The following CDC45 variants were observed in gnomAD, a reference collection of about 807,000 sequenced individuals.
CDC45 encodes cell division control protein 45 homolog.
A neutral mutation model predicts 77.8 loss-of-function variants in CDC45; 54 were observed. The ratio of observed to expected loss-of-function variants is 0.69; its 90% CI spans 0.56 to 0.87. CDC45 has a LOEUF of 0.87. CDC45 is among the 40% of genes least tolerant of loss of function. The pLI is 0.00. For synonymous variants in CDC45, 260 were observed against 272.1 expected (o/e 0.96, Z 0.44); for missense variants, 649 against 721.6 (o/e 0.90, Z 1.15).
At chr22:19,497,258 T>TG in intron 7 of CDC45, 128 bp from the exon 8 acceptor site, 1 of 769,780 alleles carries the variant, frequency 1.3e-6, no homozygotes, top group Non-Finnish European at 2.3e-6. Context: ...CCACATGCCC[T>TG]GGCCAGGTAG....
chr22:19,487,584 T>C (rs964672230), intron 5 of CDC45, among the ~76,000 whole-genome samples: 7 of 150,346 alleles, frequency 4.7e-5, no homozygotes, highest in African/African-American at 1.5e-4. Context: ...TTCAAAGAGG[T>C]TTAGAGACAA....
Position 19,483,878 on chromosome 22 carries a change from A to G in CDC45, c.359A>G (p.Lys120Arg). Residue 120 changes from lysine to arginine, a missense_variant, in exon 5 of 19, where the codon AAA becomes AGA. By Grantham distance (26) the Lys-to-Arg change is conservative. Transcript: ENST00000263201. ...TGAACTTAGATCAAATTACTCATTA[A>G]ACAAGATGATGACCTTGAAGTTCCC... is the stretch of plus-strand genomic sequence containing the variant. ...YNDTQIKLLIKQDDDLEVPAY... is the reference protein window; with the variant it reads ...YNDTQIKLLIRQDDDLEVPAY... 7 of 1,612,368 alleles carry G rather than the reference A, an allele frequency of 4.3e-6. No individual in the cohort carries two copies. The highest frequency in any genetic ancestry group is 5.9e-6 in the Non-Finnish European group (7 of 1,179,568).
chr22:19,514,918 G>A (rs749970960), intron 14 of CDC45, 31 bp downstream of exon 14: 7 of 1,614,230 alleles, frequency 4.3e-6, no homozygotes, highest in Non-Finnish European at 5.9e-6. Context: ...CAGGCGCCTG[G>A]TCACAGCACC....
intron 9 of CDC45, among the ~76,000 whole-genome samples, chr22:19,504,636 C>T (rs527804151): frequency 6.6e-6 from 1 of 152,122 alleles, no homozygotes; most frequent in African/African-American, 2.4e-5. Context: ...GGGTGAGGGG[C>T]TGGAAAATTG....
At chr22:19,519,665 C>G (rs1934002985) in intron 18 of CDC45, among the ~76,000 whole-genome samples, 1 of 152,238 alleles carries the variant, frequency 6.6e-6, no homozygotes, top group African/African-American at 2.4e-5. Context: ...TCCCTCAGGC[C>G]AGGCCTGGGG....
At chr22:19,494,538 T>C (rs1352393116) in intron 6 of CDC45, 156 bp downstream of exon 6, 7 of 1,551,042 alleles carry the variant, frequency 4.5e-6, no homozygotes, top group African/African-American at 4.1e-5. Context: ...GGCCGCTGCA[T>C]TGGAGAAGAG....
At chr22:19,479,712 G>A (rs2146321390), upstream of CDC45, 2 of 682,864 alleles carry the variant, frequency 2.9e-6, no homozygotes, top group South Asian at 3.1e-5. Flanking sequence ...GAGTTGAAGG[G>A]GGCAACAGTG....
intron 5 of CDC45, among the ~76,000 whole-genome samples, chr22:19,484,654 CG>C (rs1215514504): frequency 2.0e-5 from 3 of 152,204 alleles, no homozygotes; most frequent in Non-Finnish European, 4.4e-5. Context: ...AATTTGCCCC[CG>C]TAATGTTCTA....
chr22:19,506,971 G>A (rs954720611), intron 10 of CDC45, among the ~76,000 whole-genome samples: 3 of 152,030 alleles, frequency 2.0e-5, no homozygotes, highest in East Asian at 3.9e-4. Flanking sequence ...GGATGGGGGC[G>A]CTTCGTGGAT....
In CDC45 at chr22:19,494,560, T is replaced by C. The variant is rs767213571; in HGVS notation, c.542+178T>C. 1.3e-6 allele frequency: 2 copies of C among 1,549,816 alleles called. No individual in the cohort carries two copies. The highest frequency in any genetic ancestry group is 2.7e-5 in the African/African-American group (2 of 73,020). ...GCATTGGAGAAGAGCTCCAGGTTGT[T>C]CGCCGGTCCCATGAGTGACAGGACA... On this transcript the variant is annotated intron_variant, in intron 6 of 18. Coordinates refer to ENST00000263201, the MANE Select transcript of CDC45 (RefSeq NM_003504.5).
At chr22:19,501,405 GT>G (rs1200823318) in intron 9 of CDC45, among the ~76,000 whole-genome samples, 1 of 152,198 alleles carries the variant, frequency 6.6e-6, no homozygotes, top group Non-Finnish European at 1.5e-5. Flanking sequence ...AGCAAAGACA[GT>G]TTCTGGTTTT....
At chr22:19,511,631 A>G (rs1933519851) in intron 13 of CDC45, among the ~76,000 whole-genome samples, 1 of 152,138 alleles carries the variant, frequency 6.6e-6, no homozygotes. Flanking sequence ...TGCCCAGCCT[A>G]AAACTTTTAT....
intron 13 of CDC45, among the ~76,000 whole-genome samples, chr22:19,513,414 A>G (rs1420753604): frequency 6.6e-6 from 1 of 152,242 alleles, no homozygotes; most frequent in African/African-American, 2.4e-5. Flanking sequence ...ATAGATTACT[A>G]TCTGGCACGG....
rs748062306 is a variant in CDC45, at chr22:19,516,323, T to C, written c.1441-204T>C. The C allele has an allele frequency of 5.1e-4, 303 of 595,904 alleles. 1 individual carries two copies. Among genetic ancestry groups the C allele is most frequent in the South Asian group, 1.0e-3 (53 of 52,010 alleles). The allele number at this position is 595,904 out of a possible 1,614,324, so 36.9% of individuals were successfully genotyped here. A position where few individuals can be genotyped will look rare whatever the true frequency, so the allele number is the denominator to read the frequency against. On this transcript the variant is annotated intron_variant, in intron 15 of 18. Transcript: ENST00000263201. ...GCTGTGGGTACGGGAGGGCAGGTGT[T>C]TGGAGAGCTCCCTGGACTGGGAGTT... is the stretch of plus-strand genomic sequence containing the variant.
At chr22:19,494,701 C>T (rs1170427246) in intron 6 of CDC45, 10 of 883,434 alleles carry the variant, frequency 1.1e-5, no homozygotes, top group Non-Finnish European at 1.8e-5. Flanking sequence ...ATAAGAAGTG[C>T]TCTAAAATGA....
chr22:19,515,049 G>A lies in CDC45; in HGVS notation c.1440+1G>A. 1.2e-6 allele frequency: 2 copies of A among 1,600,542 alleles called. No individual in the cohort carries two copies. Among genetic ancestry groups the A allele is most frequent in the East Asian group, 2.2e-5 (1 of 44,678 alleles). On this transcript the variant is annotated splice_donor_variant, in intron 15 of 18. Coordinates refer to ENST00000263201, the MANE Select transcript of CDC45 (RefSeq NM_003504.5). LOFTEE classifies it high-confidence loss of function. Reference sequence around the variant, plus strand: ...CCTGCTCAAGTCCTTTGTGTGTTCGGTGAGGGGCCAGGCGGGTGCTGTGGG... The same window carrying A: ...CCTGCTCAAGTCCTTTGTGTGTTCGATGAGGGGCCAGGCGGGTGCTGTGGG...
intron 10 of CDC45, among the ~76,000 whole-genome samples, chr22:19,506,949 A>G (rs914710707): frequency 4.6e-5 from 7 of 151,254 alleles, no homozygotes; most frequent in Admixed American, 2.6e-4. Context: ...AAAAAAACGA[A>G]AAAAGGGCTG....
In CDC45 at chr22:19,507,685, G is replaced by T. The variant is rs765172912; in HGVS notation, c.957-81G>T. ...TGAATGCTGGTGCGGGGACATCCTCGCTTGCCCTTGGTTTGGGTTTCTTTC... is the reference window on the plus strand; with the variant it reads ...TGAATGCTGGTGCGGGGACATCCTCTCTTGCCCTTGGTTTGGGTTTCTTTC... On this transcript the variant is annotated intron_variant, in intron 11 of 18. Transcript: ENST00000263201. The T allele has an allele frequency of 8.8e-6, 12 of 1,362,568 alleles. No homozygotes were observed. In the Admixed American group the frequency reaches 2.4e-4, roughly 27 times the overall value. 84.4% of individuals were successfully genotyped at this position (1,362,568 alleles called of 1,614,324 possible).
chr22:19,480,826 A>ATTTC lies in CDC45; in HGVS notation c.112-126_112-123dup, dbSNP rs928279651. 4 of 601,276 alleles carry ATTTC rather than the reference A, an allele frequency of 6.7e-6. No individual in the cohort carries two copies. In the African/African-American group the frequency reaches 7.5e-5, roughly 11 times the overall value. 37.2% of individuals were successfully genotyped at this position (601,276 alleles called of 1,614,324 possible). A position where few individuals can be genotyped will look rare whatever the true frequency, so the allele number is the denominator to read the frequency against. On this transcript the variant is annotated intron_variant, in intron 2 of 18. Coordinates refer to ENST00000263201, the MANE Select transcript of CDC45 (RefSeq NM_003504.5). ...CTAGCACCTAGCTTTTCCCGTAAGCATTTCACTAGCTTTAATGTTATCCCG... is the reference window on the plus strand; with the variant it reads ...CTAGCACCTAGCTTTTCCCGTAAGCATTTCTTTCACTAGCTTTAATGTTATCCCG...
Sources: allele counts gnomAD v4.1 joint callset (sites outside exome capture counted in the v4.1 genomes callset), GRCh38; gene constraint gnomAD v4.1.1; transcripts MANE v1.5; gene names NCBI Gene and HGNC (gene_info 2026-07-23, HGNC 2026-07-21).